SGSM1: variants seen among roughly 807,000 people sequenced by gnomAD.
The protein encoded by SGSM1 is small G protein signaling modulator 1.
Under a neutral mutation model 133.8 loss-of-function variants are expected in SGSM1, and 73 were observed. The ratio of observed to expected loss-of-function variants is 0.55; its 90% CI spans 0.45 to 0.66. The LOEUF (loss-of-function observed/expected upper bound fraction) is 0.66, where lower values mean the gene tolerates loss of function less well. Among genes scored for constraint, SGSM1 ranks in the 30% least tolerant of loss-of-function variants. The pLI, the probability that SGSM1 is intolerant of heterozygous loss-of-function variation, is 0.00. For missense variants in SGSM1, 1,213 were observed against 1,448.1 expected, an observed-to-expected ratio of 0.84 and a Z score of 2.64; for synonymous variants, 563 against 573.0, an observed-to-expected ratio of 0.98 and a Z score of 0.25.
intron 10 of SGSM1, among the ~76,000 whole-genome samples, chr22:24,867,613 C>G (rs982139590): frequency 6.6e-6 from 1 of 152,146 alleles, no homozygotes; most frequent in African/African-American, 2.4e-5. Context: ...GGGACTGGAC[C>G]CAGCTTTTTG....
chr22:24,809,270 A>C (rs928079453), intron 2 of SGSM1, among the ~76,000 whole-genome samples: 1 of 152,120 alleles, frequency 6.6e-6, no homozygotes, highest in Non-Finnish European at 1.5e-5. Flanking sequence ...CTGAGAGTCA[A>C]ATCAGATCTC....
At chr22:24,852,972 G>C (rs931304945) in intron 5 of SGSM1, among the ~76,000 whole-genome samples, 1 of 152,180 alleles carries the variant, frequency 6.6e-6, no homozygotes, top group Non-Finnish European at 1.5e-5. Context: ...AAGACTCTTG[G>C]GGGGTAAGAT....
chr22:24,848,091 C>T (rs1185475924), intron 4 of SGSM1, among the ~76,000 whole-genome samples: 3 of 151,984 alleles, frequency 2.0e-5, no homozygotes, highest in Non-Finnish European at 2.9e-5. Context: ...TATTTCCCTC[C>T]CCGTTGTTGT....
Position 24,845,941 on chromosome 22 carries a change from T to C in SGSM1, c.139+969T>C, listed in dbSNP as rs9612791. Among the ~76,000 whole-genome samples, 1,040 of 115,696 alleles carry C rather than the reference T, an allele frequency of 9.0e-3. 11 individuals are homozygous for C. Among genetic ancestry groups the C allele is most frequent in the Middle Eastern group, 0.036 (9 of 252 alleles). 75.9% of individuals were successfully genotyped at this position (115,696 alleles called of 152,430 possible). A position where few individuals can be genotyped will look rare whatever the true frequency, so the allele number is the denominator to read the frequency against. On this transcript the variant is annotated intron_variant, in intron 3 of 24. Transcript: ENST00000400358. ...TGGGCAAGATCTTTCTTTTCTTTTC[T>C]TTTCTTTCTTTCTTTCTTTCTTTCT...
chr22:24,848,449 A>G (rs1017247808), intron 4 of SGSM1, among the ~76,000 whole-genome samples: 2 of 152,200 alleles, frequency 1.3e-5, no homozygotes, highest in African/African-American at 4.8e-5. Context: ...ATACTGAAGT[A>G]ACCTTTGAAT....
intron 5 of SGSM1, 21 bp downstream of exon 5, chr22:24,850,453 A>C (rs1601920614): frequency 6.2e-7 from 1 of 1,612,178 alleles, no homozygotes; most frequent in Non-Finnish European, 8.5e-7. Context: ...AAGACCTGAC[A>C]CCTGGCCATG....
chr22:24,898,639 G>A, intron 19 of SGSM1, 80 bp downstream of exon 19: 2 of 1,374,066 alleles, frequency 1.5e-6, no homozygotes, highest in Non-Finnish European at 2.0e-6. Context: ...CTGTTATCCA[G>A]AATGACCCCG....
intron 16 of SGSM1, among the ~76,000 whole-genome samples, chr22:24,891,286 AG>A (rs1458381904): frequency 6.6e-6 from 1 of 152,108 alleles, no homozygotes; most frequent in Non-Finnish European, 1.5e-5. Context: ...CTTGAGCCCA[AG>A]AGTTGGAGGC....
In SGSM1 at chr22:24,902,457, C is replaced by G. The variant is rs76803076; in HGVS notation, c.2735+500C>G. Among the ~76,000 whole-genome samples, 15 of 152,280 alleles carry G rather than the reference C, an allele frequency of 9.9e-5. No homozygotes were observed. In the East Asian group the frequency reaches 2.7e-3, roughly 27 times the overall value. On this transcript the variant is annotated intron_variant, in intron 20 of 24. Transcript: ENST00000400358. ...CACTTGAGGCCACTTGAGTTCTTCA[C>G]AGACTTCAAAAAAGTAGAGACTGGC... is the stretch of plus-strand genomic sequence containing the variant.
intron 3 of SGSM1, 40 bp from the exon 4 acceptor site, chr22:24,847,594 A>C (rs1206726299): frequency 6.2e-7 from 1 of 1,601,394 alleles, no homozygotes; most frequent in African/African-American, 1.3e-5. Flanking sequence ...GCTGGAGTGC[A>C]TGGGCAGGGC....
rs60386136 is a variant in SGSM1 at position 24,907,933 on chromosome 22, A to AAAAAAAAG, written c.2818+2748_2818+2749insAAAAAGAA. 4.2e-3 allele frequency among the ~76,000 whole-genome samples: 460 copies of AAAAAAAAG among 109,850 alleles called. 53 individuals are homozygous for AAAAAAAAG. The highest frequency in any genetic ancestry group is 0.013 in the African/African-American group (319 of 25,106). The allele number at this position is 109,850 out of a possible 152,430, so 72.1% of individuals were successfully genotyped here. ...TCTCAAAAAAAAAAAAAAAAAAAAA[A>AAAAAAAAG]AAGATGTTGCAGGACTCACAGTACC... On this transcript the variant is annotated intron_variant, in intron 21 of 24. Transcript: ENST00000400358.
chr22:24,876,125 T>G (rs1270040298), intron 12 of SGSM1, among the ~76,000 whole-genome samples: 1 of 152,192 alleles, frequency 6.6e-6, no homozygotes, highest in Non-Finnish European at 1.5e-5. Flanking sequence ...CAGCAGGGGC[T>G]TCACTGGGTC....
intron 8 of SGSM1, among the ~76,000 whole-genome samples, chr22:24,857,324 C>T (rs905099129): frequency 6.8e-6 from 1 of 147,118 alleles, no homozygotes; most frequent in Non-Finnish European, 1.5e-5. Flanking sequence ...GGCAGAACTG[C>T]TTGAACCCAG....
At chr22:24,879,772 A>T (rs1932227536) in intron 14 of SGSM1, among the ~76,000 whole-genome samples, 1 of 152,082 alleles carries the variant, frequency 6.6e-6, no homozygotes, top group Non-Finnish European at 1.5e-5. Context: ...CTGGGGACAG[A>T]GATTTGGTTT....
intron 16 of SGSM1, among the ~76,000 whole-genome samples, chr22:24,892,383 G>A (rs1932829890): frequency 1.3e-5 from 2 of 152,146 alleles, no homozygotes; most frequent in South Asian, 4.1e-4. Context: ...GGCAGACGCA[G>A]AGCCTGTTAC....
rs1336069467 is a variant in SGSM1 at position 24,859,772 on chromosome 22, C to T, written c.858C>T (p.Val286=). The T allele has an allele frequency of 6.2e-7, 1 of 1,614,004 alleles. No homozygotes were observed. Among genetic ancestry groups the T allele is most frequent in the South Asian group, 1.1e-5 (1 of 91,074 alleles). ...GYLSLHQTAD[V]MTLKWTPNQL... is the part of the protein sequence containing the mutation. ...TGTCCCTGCACCAGACGGCTGACGT[C>T]ATGACCTTGAAGTGGACACCCAACC... Residue 286 remains valine, a synonymous_variant, in exon 9 of 25, where the codon GTC becomes GTT. Transcript: ENST00000400358.
intron 8 of SGSM1, among the ~76,000 whole-genome samples, chr22:24,859,260 AG>A (rs375184565): frequency 6.6e-6 from 1 of 151,808 alleles, no homozygotes; most frequent in Non-Finnish European, 1.5e-5. Flanking sequence ...CGGGGAGTGT[AG>A]GGGGGGTTTT....
rs1601920536 is a variant in SGSM1 at position 24,850,391 on chromosome 22, G to A, written c.414G>A (p.Lys138=). 6.2e-7 allele frequency: 1 copy of A among 1,613,974 alleles called. No homozygotes were observed. The change falls in exon 5 of 25, where the codon AAG becomes AAA. Residue 138 remains lysine (K), a synonymous_variant. Coordinates refer to ENST00000400358, the MANE Select transcript of SGSM1 (RefSeq NM_001098497.3). The part of the protein sequence containing the change: ...HLWIRTALFE[K]VLDKIVHYLV... Reference sequence around the variant, plus strand: ...GGATTCGCACAGCCTTGTTTGAGAAGGTCCTGGACAAAATTGTGCATTACC... The same window carrying A: ...GGATTCGCACAGCCTTGTTTGAGAAAGTCCTGGACAAAATTGTGCATTACC...
intron 21 of SGSM1, among the ~76,000 whole-genome samples, chr22:24,908,272 G>T (rs1933480295): frequency 6.6e-6 from 1 of 152,032 alleles, no homozygotes; most frequent in Admixed American, 6.6e-5. Flanking sequence ...ATTTAAAACA[G>T]GAGTAAATCT....
Sources: gnomAD v4.1 joint callset for allele counts (sites outside exome capture counted in the v4.1 genomes callset) on GRCh38, gnomAD v4.1.1 for gene constraint, MANE v1.5 for transcripts, NCBI Gene and HGNC (gene_info 2026-07-23, HGNC 2026-07-21) for gene names.